The following POU6F2 variants were observed in gnomAD, a reference collection of about 807,000 sequenced individuals.
The protein encoded by POU6F2 is POU domain, class 6, transcription factor 2.
Under a neutral mutation model 71.3 loss-of-function variants are expected in POU6F2, and 31 were observed. The observed-to-expected ratio is 0.43, with a 90% CI of 0.33 to 0.59. The LOEUF is 0.59. POU6F2 is among the 20% of genes least tolerant of loss of function. The probability of loss-of-function intolerance (pLI) is 0.04; values close to 1 mark genes in which losing one functional copy is unlikely to be tolerated. For missense variants in POU6F2, 783 were observed against 856.8 expected, an observed-to-expected ratio of 0.91 and a Z score of 1.07; for synonymous variants, 347 against 355.7, an observed-to-expected ratio of 0.98 and a Z score of 0.27.
intron 4 of POU6F2, among the ~76,000 whole-genome samples, chr7:39,286,837 A>T (rs777862084): frequency 6.6e-6 from 1 of 152,058 alleles, no homozygotes; most frequent in South Asian, 2.1e-4. Context: ...ATCCTGGCTC[A>T]CTGCAGCCTC....
chr7:39,143,693 C>A (rs969121788), intron 2 of POU6F2, among the ~76,000 whole-genome samples: 1 of 152,062 alleles, frequency 6.6e-6, no homozygotes, highest in African/African-American at 2.4e-5. Context: ...CCAGGACCAA[C>A]CTAGGGCAAG....
chr7:39,140,235 G>A (rs1041567767), intron 2 of POU6F2, among the ~76,000 whole-genome samples: 3 of 152,092 alleles, frequency 2.0e-5, no homozygotes, highest in African/African-American at 7.2e-5. Context: ...TTCCACCCTG[G>A]TGTCCCTCCA....
chr7:39,316,941 G>A (rs1402827413), intron 4 of POU6F2, among the ~76,000 whole-genome samples: 1 of 152,092 alleles, frequency 6.6e-6, no homozygotes, highest in Non-Finnish European at 1.5e-5. Flanking sequence ...AAAAGTGAGG[G>A]GCAAAATCAG....
At chr7:39,027,747 G>A (rs1164042787) in intron 1 of POU6F2, among the ~76,000 whole-genome samples, 1 of 152,100 alleles carries the variant, frequency 6.6e-6, no homozygotes, top group African/African-American at 2.4e-5. Flanking sequence ...CATACACCTC[G>A]TGCTCCATCT....
At chr7:39,070,672 A>T (rs550829994) in intron 1 of POU6F2, among the ~76,000 whole-genome samples, 187 of 152,186 alleles carry the variant, frequency 1.2e-3, no homozygotes, top group Non-Finnish European at 1.7e-3. Flanking sequence ...TGGCCTTGTG[A>T]TGCTCACATG....
At chr7:39,148,250 T>C (rs1196011403) in intron 2 of POU6F2, among the ~76,000 whole-genome samples, 2 of 152,206 alleles carry the variant, frequency 1.3e-5, no homozygotes, top group African/African-American at 4.8e-5. Flanking sequence ...TTCTTGAGAA[T>C]TGACAGGATT....
intron 9 of POU6F2, among the ~76,000 whole-genome samples, chr7:39,463,454 C>A (rs986080618): frequency 1.3e-5 from 2 of 152,134 alleles, no homozygotes; most frequent in Non-Finnish European, 2.9e-5. Flanking sequence ...TTAGTACACC[C>A]AGAGGTGGGG....
chr7:39,082,628 C>A (rs1167921490), intron 1 of POU6F2, among the ~76,000 whole-genome samples: 1 of 152,020 alleles, frequency 6.6e-6, no homozygotes, highest in Non-Finnish European at 1.5e-5. Context: ...GAATGACTTC[C>A]AAGCCGAGTG....
intron 2 of POU6F2, among the ~76,000 whole-genome samples, chr7:39,161,702 C>G (rs745421354): frequency 2.8e-4 from 43 of 152,218 alleles, no homozygotes; most frequent in Middle Eastern, 6.8e-3. Context: ...CTTGTCTCCC[C>G]ACAATTTTAT....
chr7:39,363,713 A>C (rs1309970913), intron 5 of POU6F2, among the ~76,000 whole-genome samples: 1 of 151,128 alleles, frequency 6.6e-6, no homozygotes, highest in East Asian at 1.9e-4. Flanking sequence ...AAGTAAATCA[A>C]GTGTTTCAAG....
chr7:39,410,334 G>A (rs1357743380), intron 6 of POU6F2, among the ~76,000 whole-genome samples: 2 of 152,128 alleles, frequency 1.3e-5, no homozygotes, highest in African/African-American at 2.4e-5. Context: ...AAATCATAAA[G>A]TACATATCTT....
intron 2 of POU6F2, among the ~76,000 whole-genome samples, chr7:39,177,468 G>A (rs1793354172): frequency 6.6e-6 from 1 of 152,192 alleles, no homozygotes; most frequent in Non-Finnish European, 1.5e-5. Context: ...AGAACACCTG[G>A]ATGAGACAAT....
chr7:39,448,901 A>G (rs1254830078), intron 7 of POU6F2, among the ~76,000 whole-genome samples: 1 of 152,214 alleles, frequency 6.6e-6, no homozygotes, highest in African/African-American at 2.4e-5. Context: ...TATCCATCAC[A>G]CTTTATTAAG....
intron 6 of POU6F2, among the ~76,000 whole-genome samples, chr7:39,417,960 A>G (rs1787718968): frequency 6.6e-6 from 1 of 152,236 alleles, no homozygotes; most frequent in South Asian, 2.1e-4. Flanking sequence ...TGTTGCTGCC[A>G]CTAATTGAGC....
intron 2 of POU6F2, among the ~76,000 whole-genome samples, chr7:39,187,613 G>A (rs532242902): frequency 7.9e-5 from 12 of 152,340 alleles, no homozygotes; most frequent in African/African-American, 2.6e-4. Context: ...TTTGAGAGCC[G>A]CTACTTCTGG....
intron 1 of POU6F2, among the ~76,000 whole-genome samples, chr7:39,000,083 T>C (rs1788857890): frequency 6.6e-6 from 1 of 152,196 alleles, no homozygotes; most frequent in African/African-American, 2.4e-5. Flanking sequence ...AATTCATCTT[T>C]GTGAATGGCA....
At chr7:39,085,437 C>T (rs533445081) in intron 1 of POU6F2, among the ~76,000 whole-genome samples, 54 of 152,188 alleles carry the variant, frequency 3.5e-4, no homozygotes, top group African/African-American at 1.3e-3. Context: ...GGGTGCTCTT[C>T]CTTTTTAGTA....
chr7:39,245,074 AT>A (rs1408143697), intron 4 of POU6F2, among the ~76,000 whole-genome samples: 3 of 152,178 alleles, frequency 2.0e-5, no homozygotes, highest in African/African-American at 7.2e-5. Flanking sequence ...TGGGGCTTAG[AT>A]AATGAATTAG....
chr7:39,451,477 A>T, intron 7 of POU6F2, 56 bp from the exon 8 acceptor site: 1 of 1,499,410 alleles, frequency 6.7e-7, no homozygotes, highest in Non-Finnish European at 9.1e-7. Context: ...GTTCCCTGGC[A>T]TTTTTCCCCT....
Sources: allele counts gnomAD v4.1 joint callset (sites outside exome capture counted in the v4.1 genomes callset), GRCh38; gene constraint gnomAD v4.1.1; transcripts MANE v1.5; gene names NCBI Gene and HGNC (gene_info 2026-07-23, HGNC 2026-07-21).